ZSWIM6: variants seen among roughly 807,000 people sequenced by gnomAD.
ZSWIM6 encodes zinc finger SWIM domain-containing protein 6.
A neutral mutation model predicts 113.2 loss-of-function variants in ZSWIM6; 9 were observed. The ratio of observed to expected loss-of-function variants is 0.08; its 90% confidence interval spans 0.05 to 0.14. The LOEUF (loss-of-function observed/expected upper bound fraction) is 0.14. ZSWIM6 is among the 10% of genes least tolerant of loss of function. The pLI, the probability that ZSWIM6 is intolerant of heterozygous loss-of-function variation, is 1.00. For synonymous variants in ZSWIM6, 611 were observed against 606.5 expected (o/e 1.01, Z -0.11); for missense variants, 1,162 against 1,552.2 (o/e 0.75, Z 4.22).
intron 1 of ZSWIM6, among the ~76,000 whole-genome samples, chr5:61,338,467 A>G (rs757992707): frequency 2.0e-5 from 3 of 152,064 alleles, no homozygotes; most frequent in Non-Finnish European, 4.4e-5. Flanking sequence ...TTGCATAGGT[A>G]TTTTTTATTG....
chr5:61,378,199 T>G (rs1219807770), intron 1 of ZSWIM6, among the ~76,000 whole-genome samples: 3 of 152,224 alleles, frequency 2.0e-5, no homozygotes, highest in Non-Finnish European at 4.4e-5. Context: ...CAAGTTTTAT[T>G]GAGGCATCAT....
intron 2 of ZSWIM6, among the ~76,000 whole-genome samples, chr5:61,480,103 T>A (rs928446638): frequency 1.3e-5 from 2 of 152,188 alleles, no homozygotes; most frequent in African/African-American, 2.4e-5. Flanking sequence ...AGATAAGTAA[T>A]GGAAAATAAC....
chr5:61,508,373 C>T (rs2112241259), intron 4 of ZSWIM6, among the ~76,000 whole-genome samples: 1 of 152,242 alleles, frequency 6.6e-6, no homozygotes, highest in East Asian at 1.9e-4. Flanking sequence ...TACAAACCAG[C>T]ATTAAATATT....
Position 61,535,493 on chromosome 5 carries a change from A to T in ZSWIM6, c.2255A>T (p.Tyr752Phe). ...TGCTCTCTTCCCACAGCCGGACCATATAGTGGTTTAGGTGAAATAATCCAT... is the reference window on the plus strand; with the variant it reads ...TGCTCTCTTCCCACAGCCGGACCATTTAGTGGTTTAGGTGAAATAATCCAT... ...QAVFLLEAGPYSGLGEIIHRE... is the reference protein window; with the variant it reads ...QAVFLLEAGPFSGLGEIIHRE... Residue 752 changes from tyrosine (Y) to phenylalanine (F), a missense_variant, in exon 10 of 14, where the codon TAT becomes TTT. Physicochemically the swap from Tyr to Phe is conservative, Grantham distance 22. This residue lies in a region of ZSWIM6 where 620 missense variants were observed against 804.6 expected (regional missense o/e 0.77). Transcript: ENST00000252744. 1 of 1,551,342 alleles carries T rather than the reference A, an allele frequency of 6.4e-7. No homozygotes were observed. The highest frequency in any genetic ancestry group is 8.7e-7 in the Non-Finnish European group (1 of 1,146,694).
chr5:61,485,257 A>T (rs1008811143), intron 2 of ZSWIM6, among the ~76,000 whole-genome samples: 1 of 151,854 alleles, frequency 6.6e-6, no homozygotes, highest in Non-Finnish European at 1.5e-5. Flanking sequence ...GGTCTCTCCA[A>T]CTCTTCCTAA....
At chr5:61,409,082 TTTTTTTTTTTTTC>T (rs1201808867) in intron 1 of ZSWIM6, among the ~76,000 whole-genome samples, 1 of 121,046 alleles carries the variant, frequency 8.3e-6, no homozygotes, top group Non-Finnish European at 1.7e-5. Flanking sequence ...TTTTTTTTTT[TTTTTTTTTTTTTC>T]CCGTTTTTGA....
rs540385656 is a variant in ZSWIM6 at position 61,396,308 on chromosome 5, C to T, written c.676+63360C>T. On this transcript the variant is annotated intron_variant, in intron 1 of 13. Coordinates refer to ENST00000252744, the MANE Select transcript of ZSWIM6 (RefSeq NM_020928.2). ...CAGCACTTTGGGAGGCTGAGGCAGG[C>T]GGATCACAAGGTCAAGAGATCGAGA... Among the ~76,000 whole-genome samples, 40 of 152,024 alleles carry T rather than the reference C, an allele frequency of 2.6e-4. No individual in the cohort carries two copies. In the South Asian group the frequency reaches 4.2e-3, roughly 16 times the overall value.
At chr5:61,347,598 T>G (rs1263763087) in intron 1 of ZSWIM6, 1 of 153,178 alleles carries the variant, frequency 6.5e-6, no homozygotes, top group South Asian at 2.0e-4. Context: ...GAAAAAGGCC[T>G]CACCTACAAC....
At chr5:61,439,215 A>T (rs1474871493) in intron 1 of ZSWIM6, among the ~76,000 whole-genome samples, 4 of 152,188 alleles carry the variant, frequency 2.6e-5, no homozygotes, top group Admixed American at 6.5e-5. Flanking sequence ...TCTGCCTCAC[A>T]TGGAAGTTCC....
intron 1 of ZSWIM6, among the ~76,000 whole-genome samples, chr5:61,380,952 G>GAA (rs374265490): frequency 2.1e-5 from 3 of 145,108 alleles, no homozygotes; most frequent in Admixed American, 6.8e-5. Flanking sequence ...AAAAAAAAAA[G>GAA]AAAAAAAAAA....
rs561129432 is a variant in ZSWIM6 at position 61,431,723 on chromosome 5, C to CGG, written c.677-40957_677-40956insGG. ...TGGCACCACTGCACTCCAGCCTGGG[C>CGG]GACAGAGTGAGACTCCGTCTCAAAA... On this transcript the variant is annotated intron_variant, in intron 1 of 13. Transcript: ENST00000252744. Among the ~76,000 whole-genome samples, 544 of 151,914 alleles carry CGG rather than the reference C, an allele frequency of 3.6e-3. 4 individuals are homozygous for CGG. The highest frequency in any genetic ancestry group is 0.021 in the South Asian group (101 of 4,808).
In ZSWIM6 at chr5:61,538,705, A is replaced by G. The variant is rs77039894; in HGVS notation, c.2382-109A>G. ...GTACCAGCCCTTGCTGAACTTGAGTAGAGGCCTGAACATCTACCCACTCCT... is the reference window on the plus strand; with the variant it reads ...GTACCAGCCCTTGCTGAACTTGAGTGGAGGCCTGAACATCTACCCACTCCT... On this transcript the variant is annotated intron_variant, in intron 10 of 13. Coordinates refer to ENST00000252744, the MANE Select transcript of ZSWIM6 (RefSeq NM_020928.2). The G allele has an allele frequency of 5.7e-3, 7,003 of 1,237,376 alleles. 47 individuals carry two copies. The highest frequency in any genetic ancestry group is 0.02 in the South Asian group (1,243 of 62,410). The allele number at this position is 1,237,376 out of a possible 1,614,324, so 76.6% of individuals were successfully genotyped here.
chr5:61,535,052 G>A (rs1005636958), intron 9 of ZSWIM6, among the ~76,000 whole-genome samples: 1 of 152,120 alleles, frequency 6.6e-6, no homozygotes, highest in East Asian at 1.9e-4. Context: ...TGGCATATTT[G>A]TGTCCCTAAC....
intron 2 of ZSWIM6, among the ~76,000 whole-genome samples, chr5:61,473,643 T>G (rs1175530257): frequency 6.6e-6 from 1 of 152,220 alleles, no homozygotes; most frequent in Non-Finnish European, 1.5e-5. Flanking sequence ...AATATATAGG[T>G]GCAACTTTTC....
intron 1 of ZSWIM6, among the ~76,000 whole-genome samples, chr5:61,363,083 A>G (rs2112055641): frequency 6.6e-6 from 1 of 152,302 alleles, no homozygotes; most frequent in Non-Finnish European, 1.5e-5. Context: ...GCCACTGTAG[A>G]TGTTTTTAGA....
intron 1 of ZSWIM6, among the ~76,000 whole-genome samples, chr5:61,357,333 A>G (rs1744936090): frequency 6.6e-6 from 1 of 152,192 alleles, no homozygotes; most frequent in Non-Finnish European, 1.5e-5. Context: ...ATACACAAAG[A>G]TAATACAGTC....
At chr5:61,532,433 G>A (rs1011272056) in intron 9 of ZSWIM6, among the ~76,000 whole-genome samples, 25 of 152,122 alleles carry the variant, frequency 1.6e-4, no homozygotes, top group African/African-American at 6.0e-4. Flanking sequence ...TGCAAATTTA[G>A]GTGGTGTGTA....
chr5:61,442,220 A>G (rs1746854294), intron 1 of ZSWIM6, among the ~76,000 whole-genome samples: 1 of 151,782 alleles, frequency 6.6e-6, no homozygotes, highest in South Asian at 2.1e-4. Context: ...AAGGAACTCA[A>G]GATAAGAAAA....
chr5:61,333,059 C>G, intron 1 of ZSWIM6, 111 bp downstream of exon 1: 1 of 1,021,600 alleles, frequency 9.8e-7, no homozygotes, highest in Non-Finnish European at 1.2e-6. Context: ...GCGCCCGCAC[C>G]CCTGCGGGTG....
Sources: gnomAD v4.1 joint callset for allele counts (sites outside exome capture counted in the v4.1 genomes callset) on GRCh38, gnomAD v4.1.1 for gene constraint, gnomAD v4.1.1 regional missense constraint, MANE v1.5 for transcripts, NCBI Gene and HGNC (gene_info 2026-07-23, HGNC 2026-07-21) for gene names.